The following GMDS variants were observed in gnomAD, a reference collection of about 807,000 sequenced individuals.
GMDS encodes the protein GDP-mannose 4,6-dehydratase, also known as GDP-mannose 4,6 dehydratase.
A neutral mutation model predicts 49.9 loss-of-function variants in GMDS; 20 were observed. That is an observed-to-expected ratio of 0.40 (90% confidence interval 0.28 to 0.58). GMDS has a LOEUF of 0.58. Among genes scored for constraint, GMDS ranks in the 20% least tolerant of loss-of-function variants. GMDS has a pLI of 0.42. For missense variants in GMDS, 362 were observed against 481.4 expected (o/e 0.75, Z 2.32); for synonymous variants, 177 against 178.6 (o/e 0.99, Z 0.07).
At chr6:1,845,737 A>C (rs1757374333) in intron 7 of GMDS, among the ~76,000 whole-genome samples, 1 of 152,160 alleles carries the variant, frequency 6.6e-6, no homozygotes, top group African/African-American at 2.4e-5. Flanking sequence ...CGCATAACCT[A>C]GCTCTCTTGC....
At chr6:2,238,238 A>T (rs1457973300) in intron 1 of GMDS, among the ~76,000 whole-genome samples, 2 of 92,458 alleles carry the variant, frequency 2.2e-5, no homozygotes, top group East Asian at 1.1e-3. Context: ...AAAAAAAAAA[A>T]TAGTAAAAAA....
Position 1,829,863 on chromosome 6 carries a change from G to A in GMDS, c.772-87277C>T, listed in dbSNP as rs116657141. On this transcript the variant is annotated intron_variant, in intron 7 of 10. Transcript: ENST00000380815. Reference sequence around the variant, plus strand: ...GTACATTTTAACTCTTCAACACTTAGCTCAAGAATCACCCTCTGTGTGCTA... The same window carrying A: ...GTACATTTTAACTCTTCAACACTTAACTCAAGAATCACCCTCTGTGTGCTA... Among the ~76,000 whole-genome samples the A allele has an allele frequency of 2.8e-3, 419 of 152,244 alleles. 2 individuals are homozygous for A. The highest frequency in any genetic ancestry group is 9.6e-3 in the African/African-American group (400 of 41,542).
chr6:1,727,864 C>T (rs1766649779), intron 8 of GMDS, among the ~76,000 whole-genome samples: 1 of 152,096 alleles, frequency 6.6e-6, no homozygotes, highest in Admixed American at 6.5e-5. Flanking sequence ...TTATATAGCG[C>T]AGTATGTTGA....
chr6:2,042,572 T>C (rs912779790), intron 4 of GMDS, among the ~76,000 whole-genome samples: 1 of 152,196 alleles, frequency 6.6e-6, no homozygotes, highest in Non-Finnish European at 1.5e-5. Context: ...CTATTGACAG[T>C]CCAATTTTTA....
Position 2,183,602 on chromosome 6 carries a change from C to T in GMDS, c.103-58871G>A, listed in dbSNP as rs115287923. ...TAAACTTAGTTGATAAATTTAGCAG[C>T]AGCAGGGTTTGAGAAGATTGATTCC... On this transcript the variant is annotated intron_variant, in intron 1 of 10. Transcript: ENST00000380815. 3.0e-3 allele frequency among the ~76,000 whole-genome samples: 463 copies of T among 152,298 alleles called. 3 individuals are homozygous for T. Among genetic ancestry groups the T allele is most frequent in the African/African-American group, 0.011 (450 of 41,560 alleles).
intron 1 of GMDS, among the ~76,000 whole-genome samples, chr6:2,195,814 C>T (rs2127572594): frequency 6.8e-6 from 1 of 146,184 alleles, no homozygotes; most frequent in South Asian, 2.1e-4. Context: ...AAGACCTTGT[C>T]TCTACCAAAA....
At chr6:1,645,739 A>AG (rs1277337799) in intron 9 of GMDS, among the ~76,000 whole-genome samples, 3 of 152,154 alleles carry the variant, frequency 2.0e-5, no homozygotes, top group African/African-American at 7.2e-5. Context: ...TCTTCTTTCC[A>AG]GCCTGACAAC....
At chr6:1,874,063 G>A (rs928327620) in intron 7 of GMDS, among the ~76,000 whole-genome samples, 6 of 152,192 alleles carry the variant, frequency 3.9e-5, no homozygotes, top group South Asian at 2.1e-4. Context: ...ACAGGGCACC[G>A]GCCTCCAGAG....
chr6:1,683,176 T>G (rs1581453245), intron 9 of GMDS, among the ~76,000 whole-genome samples: 1 of 152,304 alleles, frequency 6.6e-6, no homozygotes, highest in Non-Finnish European at 1.5e-5. Flanking sequence ...CAGGCTGGAG[T>G]GCAGTGGTGC....
At position 2,024,343 on chromosome 6, in the gene GMDS, C is replaced by T. The variant is rs148957081; in HGVS notation, c.346-63377G>A. Among the ~76,000 whole-genome samples, 374 of 152,068 alleles carry T rather than the reference C, an allele frequency of 2.5e-3. 1 individual carries two copies. The highest frequency in any genetic ancestry group is 8.7e-3 in the African/African-American group (363 of 41,500). ...GGAAGATGAACTCACAATGCAGCAG[C>T]AAGATGGCAGAAATAACAGTGAGTA... is the stretch of plus-strand genomic sequence containing the variant. On this transcript the variant is annotated intron_variant, in intron 4 of 10. Transcript: ENST00000380815.
chr6:1,625,990 C>T (rs1009584022), intron 9 of GMDS: 4 of 152,380 alleles, frequency 2.6e-5, no homozygotes, highest in African/African-American at 9.6e-5. Context: ...CAAGCTGCCA[C>T]TGAAAGCCTT....
At chr6:1,842,425 G>A (rs1040981836) in intron 7 of GMDS, among the ~76,000 whole-genome samples, 1 of 152,190 alleles carries the variant, frequency 6.6e-6, no homozygotes, top group Non-Finnish European at 1.5e-5. Context: ...CTAGGGAGAT[G>A]GGAGAGGAGG....
intron 4 of GMDS, among the ~76,000 whole-genome samples, chr6:2,067,541 G>C (rs1771687832): frequency 6.6e-6 from 1 of 152,000 alleles, no homozygotes. Flanking sequence ...GAAAAAAAGA[G>C]AGAAGAATCA....
chr6:1,883,691 C>T (rs545261008), intron 7 of GMDS, among the ~76,000 whole-genome samples: 3 of 152,202 alleles, frequency 2.0e-5, no homozygotes, highest in Admixed American at 6.5e-5. Flanking sequence ...CAGCTCCCCT[C>T]GTACTGAAAG....
At chr6:1,909,068 C>A (rs1008859668) in intron 7 of GMDS, among the ~76,000 whole-genome samples, 1 of 152,112 alleles carries the variant, frequency 6.6e-6, no homozygotes, top group East Asian at 1.9e-4. Flanking sequence ...TTAGTCACAC[C>A]GGTCAAGTTA....
intron 4 of GMDS, among the ~76,000 whole-genome samples, chr6:2,039,941 T>C (rs1769557867): frequency 6.6e-6 from 1 of 152,230 alleles, no homozygotes; most frequent in Non-Finnish European, 1.5e-5. Context: ...TCTATACCAC[T>C]GGCAGTGCAG....
At chr6:1,980,474 G>C (rs6911723) in intron 4 of GMDS, among the ~76,000 whole-genome samples, 1 of 151,054 alleles carries the variant, frequency 6.6e-6, no homozygotes, top group Non-Finnish European at 1.5e-5. Context: ...AATGGTAAAG[G>C]GCTCAATTCA....
intron 7 of GMDS, among the ~76,000 whole-genome samples, chr6:1,820,247 T>G (rs1303509876): frequency 6.6e-6 from 1 of 152,122 alleles, no homozygotes; most frequent in African/African-American, 2.4e-5. Flanking sequence ...AATTTTATTA[T>G]GAAAAAATAA....
intron 4 of GMDS, among the ~76,000 whole-genome samples, chr6:2,097,197 GAATCTAAAAACTCTGT>G (rs1478653493): frequency 3.3e-5 from 5 of 152,080 alleles, no homozygotes; most frequent in Non-Finnish European, 5.9e-5. Flanking sequence ...TGAATTTTTG[GAATCTAAAAACTCTGT>G]AGTTTTATAT....
Sources: allele counts gnomAD v4.1 joint callset (sites outside exome capture counted in the v4.1 genomes callset), GRCh38; gene constraint gnomAD v4.1.1; transcripts MANE v1.5; gene names NCBI Gene and HGNC (gene_info 2026-07-23, HGNC 2026-07-21).